The following AR variants were observed in gnomAD, a reference collection of about 807,000 sequenced individuals.
AR encodes the protein dihydrotestosterone receptor.
AR carries 8 observed loss-of-function variants against 53.9 expected under a neutral mutation model. The ratio of observed to expected loss-of-function variants is 0.15; its 90% CI spans 0.09 to 0.27. AR has a LOEUF of 0.27. Among genes scored for constraint, AR ranks in the 10% least tolerant of loss-of-function variants. The pLI is 1.00. For missense variants in AR, 639 were observed against 742.5 expected (o/e 0.86, Z 1.62); for synonymous variants, 359 against 316.4 (o/e 1.13, Z -1.43).
chrX:67,545,543 C>T lies in AR; in HGVS notation c.397C>T (p.Pro133Ser). The change falls in exon 1 of 8, where the codon CCA becomes TCA. Residue 133 changes from proline to serine, a missense_variant. Physicochemically the swap from Pro to Ser is moderately conservative, Grantham distance 74. This residue lies in a region of AR where 423 missense variants were observed against 377.0 expected (regional missense o/e 1.12). Coordinates refer to ENST00000374690, the MANE Select transcript of AR (RefSeq NM_000044.6). The part of the protein sequence containing the change: ...LECHPERGCV[P>S]EPGAAVAASK... Reference sequence around the variant, plus strand: ...GTGCCACCCCGAGAGAGGTTGCGTCCCAGAGCCTGGAGCCGCCGTGGCCGC... The same window carrying T: ...GTGCCACCCCGAGAGAGGTTGCGTCTCAGAGCCTGGAGCCGCCGTGGCCGC... The T allele has an allele frequency of 8.4e-7, 1 of 1,183,980 alleles. No individual in the cohort carries two copies. Among genetic ancestry groups the T allele is most frequent in the Non-Finnish European group, 1.1e-6 (1 of 881,545 alleles).
At chrX:67,663,022 G>T (rs184059377) in intron 2 of AR, among the ~76,000 whole-genome samples, 46 of 111,593 alleles carry the variant, frequency 4.1e-4, no homozygotes, top group Admixed American at 1.3e-3. Context: ...GTGTGTCTCT[G>T]CATGTTAGAC....
intron 1 of AR, among the ~76,000 whole-genome samples, chrX:67,629,536 T>G: frequency 9.2e-6 from 1 of 109,101 alleles, no homozygotes; most frequent in East Asian, 2.9e-4. Flanking sequence ...CTTTTTTTCT[T>G]TATTAGTCTT....
intron 1 of AR, among the ~76,000 whole-genome samples, chrX:67,603,181 A>G (rs1474914683): frequency 8.9e-6 from 1 of 111,785 alleles, no homozygotes; most frequent in Non-Finnish European, 1.9e-5. Flanking sequence ...CTGTTATTCT[A>G]CTGTGGCAGA....
In AR at chrX:67,695,574, G is replaced by A. The variant is rs188239889; in HGVS notation, c.1885+9448G>A. 4.9e-4 allele frequency: 368 copies of A among 751,743 alleles called. 1 individual carries two copies. In the African/African-American group the frequency reaches 7.7e-3, roughly 16 times the overall value. 62.0% of individuals were successfully genotyped at this position (751,743 alleles called of 1,213,427 possible). The stretch of plus-strand genomic sequence containing the variant: ...TCAAAGAAGAATCACTTAGAGTTTG[G>A]AATATCTTGTTCTCTCTCTGCTCCA... On this transcript the variant is annotated intron_variant, in intron 3 of 7. Coordinates refer to ENST00000374690, the MANE Select transcript of AR (RefSeq NM_000044.6).
Position 67,725,856 on chromosome X carries a change from A to G in AR, c.*2015A>G, listed in dbSNP as rs939114239. The G allele has an allele frequency of 5.7e-6, 1 of 175,653 alleles. No individual in the cohort carries two copies. The highest frequency in any genetic ancestry group is 3.0e-4 in the South Asian group (1 of 3,329). 14.5% of individuals were successfully genotyped at this position (175,653 alleles called of 1,213,427 possible). A position where few individuals can be genotyped will look rare whatever the true frequency, so the allele number is the denominator to read the frequency against. The stretch of plus-strand genomic sequence containing the variant: ...GGGTGTGCCCTGGGACACTGGTTTT[A>G]TATAGTCTTTTGGCACACCTGTGTT... On this transcript the variant is annotated 3_prime_UTR_variant, in exon 8 of 8. Coordinates refer to ENST00000374690, the MANE Select transcript of AR (RefSeq NM_000044.6).
At chrX:67,672,714 G>GA (rs1491067385) in intron 2 of AR, among the ~76,000 whole-genome samples, 1 of 110,952 alleles carries the variant, frequency 9.0e-6, no homozygotes, top group Non-Finnish European at 1.9e-5. Context: ...TTTATGTCTT[G>GA]AAAAGTAGTT....
intron 1 of AR, among the ~76,000 whole-genome samples, chrX:67,597,105 T>C (rs1341420173): frequency 1.8e-5 from 2 of 112,109 alleles, no homozygotes; most frequent in Non-Finnish European, 3.8e-5. Context: ...GGCACTTCTC[T>C]TGAGCAGGAG....
Position 67,726,588 on chromosome X carries a change from A to G in AR, c.*2747A>G, listed in dbSNP as rs1027788732. The G allele has an allele frequency of 8.0e-5, 14 of 174,646 alleles. No individual in the cohort carries two copies. Among genetic ancestry groups the G allele is most frequent in the Non-Finnish European group, 1.3e-4 (12 of 91,610 alleles). The allele number at this position is 174,646 out of a possible 1,213,427, so 14.4% of individuals were successfully genotyped here. Reference sequence around the variant, plus strand: ...GTGAAACAGCAGTGTAATTAAAAGCAACAACTGGATTACTCCAAATTTCCA... The same window carrying G: ...GTGAAACAGCAGTGTAATTAAAAGCGACAACTGGATTACTCCAAATTTCCA... On this transcript the variant is annotated 3_prime_UTR_variant, in exon 8 of 8. Transcript: ENST00000374690.
chrX:67,660,789 A>G (rs1434076595), intron 2 of AR, among the ~76,000 whole-genome samples: 2 of 111,619 alleles, frequency 1.8e-5, no homozygotes, highest in African/African-American at 6.5e-5. Context: ...CATTGAATCT[A>G]TAAATTACCT....
intron 1 of AR, among the ~76,000 whole-genome samples, chrX:67,558,008 C>T (rs1305184451): frequency 3.6e-5 from 4 of 111,600 alleles, no homozygotes; most frequent in African/African-American, 9.8e-5. Context: ...GCCTTAAATC[C>T]TAGGAAATTA....
At chrX:67,595,164 C>T (rs187581152) in intron 1 of AR, among the ~76,000 whole-genome samples, 2 of 111,067 alleles carry the variant, frequency 1.8e-5, no homozygotes, top group African/African-American at 3.3e-5. Context: ...ATGCTGAGCA[C>T]GAAGGTTACT....
At chrX:67,548,400 T>C (rs1929857281) in intron 1 of AR, among the ~76,000 whole-genome samples, 1 of 112,095 alleles carries the variant, frequency 8.9e-6, no homozygotes. Context: ...AATGGGTTTA[T>C]GCTATGGGAC....
At chrX:67,686,148 T>C (rs2147498049) in intron 3 of AR, 22 bp downstream of exon 3, 2 of 1,166,471 alleles carry the variant, frequency 1.7e-6, no homozygotes, top group Admixed American at 4.4e-5. Flanking sequence ...TTCTTTCTCT[T>C]CCTCCTCCTT....
intron 1 of AR, among the ~76,000 whole-genome samples, chrX:67,575,765 C>T (rs895357965): frequency 7.2e-5 from 8 of 111,800 alleles, no homozygotes; most frequent in African/African-American, 2.3e-4. Context: ...CTAGTAACTT[C>T]ACATGCTATT....
rs192305972 is a variant in AR at position 67,714,711 on chromosome X, C to G, written c.2174-2767C>G. Among the ~76,000 whole-genome samples the G allele has an allele frequency of 2.2e-4, 25 of 112,234 alleles. No individual in the cohort carries two copies. The Admixed American group carries it at 2.3e-3, about 10-fold the overall frequency. ...CTGAGAATGACTCCTCTCTGTTTCT[C>G]CAGAACAGCCTAACACAGTGGCAAA... On this transcript the variant is annotated intron_variant, in intron 4 of 7. Coordinates refer to ENST00000374690, the MANE Select transcript of AR (RefSeq NM_000044.6).
intron 3 of AR, among the ~76,000 whole-genome samples, chrX:67,696,569 GAT>G (rs1193267991): frequency 8.9e-6 from 1 of 112,023 alleles, no homozygotes; most frequent in Non-Finnish European, 1.9e-5. Flanking sequence ...AACCTTGAAA[GAT>G]AAAATTTGAT....
At chrX:67,615,524 A>C (rs1003415647) in intron 1 of AR, among the ~76,000 whole-genome samples, 2 of 111,555 alleles carry the variant, frequency 1.8e-5, no homozygotes, top group Non-Finnish European at 3.8e-5. Context: ...AGGTAAACAA[A>C]GGCTGAGAGA....
At position 67,727,763 on chromosome X, in the gene AR, T is replaced by A. The variant is rs2076163591; in HGVS notation, c.*3922T>A. ...TAAGAGGCTGACTGTCTACGAATTA[T>A]CTTGTGCCAGTTGCCCAGGTGAGAG... On this transcript the variant is annotated 3_prime_UTR_variant, in exon 8 of 8. Transcript: ENST00000374690. The A allele has an allele frequency of 1.2e-5, 2 of 172,174 alleles. No individual in the cohort carries two copies. Among genetic ancestry groups the A allele is most frequent in the African/African-American group, 5.9e-5 (2 of 33,819 alleles). 14.2% of individuals were successfully genotyped at this position (172,174 alleles called of 1,213,427 possible). A position where few individuals can be genotyped will look rare whatever the true frequency, so the allele number is the denominator to read the frequency against.
intron 1 of AR, among the ~76,000 whole-genome samples, chrX:67,608,274 T>A (rs1226857908): frequency 8.9e-6 from 1 of 112,078 alleles, no homozygotes; most frequent in East Asian, 2.8e-4. Context: ...CACCTTACCC[T>A]CTAAATTCCA....
Sources: gnomAD v4.1 joint callset for allele counts (sites outside exome capture counted in the v4.1 genomes callset) on GRCh38, gnomAD v4.1.1 for gene constraint, gnomAD v4.1.1 regional missense constraint, MANE v1.5 for transcripts, NCBI Gene and HGNC (gene_info 2026-07-23, HGNC 2026-07-21) for gene names.